ATRNL1: variants seen among roughly 807,000 people sequenced by gnomAD.
ATRNL1 encodes attractin-like protein 1.
In ATRNL1, 95 loss-of-function variants were observed where a neutral mutation model predicts 182.7. The observed-to-expected ratio is 0.52, with a 90% CI of 0.44 to 0.62. The LOEUF is 0.62. Ranked by LOEUF, ATRNL1 falls within the 20% of genes least tolerant of loss-of-function variation. The pLI is 0.00. For missense variants in ATRNL1, 1,471 were observed against 1,679.5 expected (o/e 0.88, Z 2.17); for synonymous variants, 576 against 568.3 (o/e 1.01, Z -0.19).
intron 26 of ATRNL1, among the ~76,000 whole-genome samples, chr10:115,709,763 T>C (rs782531196): frequency 6.6e-6 from 1 of 152,006 alleles, no homozygotes; most frequent in Non-Finnish European, 1.5e-5. Context: ...TATCACAATG[T>C]TGTTATTCAA....
chr10:115,514,290 ATAGCATTCATATTTCT>A (rs1554983364), intron 24 of ATRNL1, among the ~76,000 whole-genome samples: 1 of 151,972 alleles, frequency 6.6e-6, no homozygotes, highest in African/African-American at 2.4e-5. Context: ...TGGAATCAAA[ATAGCATTCATATTTCT>A]TATGAAAACT....
At chr10:115,247,590 C>T (rs890673911) in intron 10 of ATRNL1, among the ~76,000 whole-genome samples, 6 of 152,096 alleles carry the variant, frequency 3.9e-5, no homozygotes, top group Admixed American at 3.3e-4. Context: ...TAAGCTAGTA[C>T]AGCCACTATG....
chr10:115,934,987 A>G (rs1395233888), intron 28 of ATRNL1, among the ~76,000 whole-genome samples: 1 of 152,190 alleles, frequency 6.6e-6, no homozygotes, highest in Admixed American at 6.5e-5. Context: ...CCCTCCTGCC[A>G]GTGTACTTCT....
In ATRNL1 at chr10:115,444,978, G is replaced by A. The variant is rs193240588; in HGVS notation, c.3323-16963G>A. Among the ~76,000 whole-genome samples the A allele has an allele frequency of 4.5e-3, 684 of 151,534 alleles. 4 individuals are homozygous for A. Among genetic ancestry groups the A allele is most frequent in the African/African-American group, 0.016 (647 of 41,340 alleles). On this transcript the variant is annotated intron_variant, in intron 21 of 28. Coordinates refer to ENST00000355044, the MANE Select transcript of ATRNL1 (RefSeq NM_207303.4). ...ACTCCTGACCTCAGGTGATCTGCCC[G>A]CCTTGGCCTCCCAAAGTGCTGGGAT...
At chr10:115,543,825 TCTCC>T (rs1852494599) in intron 25 of ATRNL1, among the ~76,000 whole-genome samples, 1 of 152,168 alleles carries the variant, frequency 6.6e-6, no homozygotes, top group Admixed American at 6.5e-5. Flanking sequence ...TTGAAATATC[TCTCC>T]CTAAGTTTTT....
intron 25 of ATRNL1, among the ~76,000 whole-genome samples, chr10:115,536,028 G>A (rs1351754391): frequency 6.6e-6 from 1 of 151,920 alleles, no homozygotes; most frequent in Non-Finnish European, 1.5e-5. Context: ...ACTGGGGGGA[G>A]CCTCCCAGTT....
At chr10:115,465,153 A>G (rs1847993665) in intron 22 of ATRNL1, among the ~76,000 whole-genome samples, 2 of 151,726 alleles carry the variant, frequency 1.3e-5, no homozygotes, top group African/African-American at 2.4e-5. Flanking sequence ...TGAAATTTCA[A>G]TCTAAGGTTA....
intron 21 of ATRNL1, among the ~76,000 whole-genome samples, chr10:115,437,077 ATGACT>A (rs1846437663): frequency 6.6e-6 from 1 of 152,026 alleles, no homozygotes; most frequent in Non-Finnish European, 1.5e-5. Flanking sequence ...ATTTGAAGAA[ATGACT>A]TGATAAGATG....
intron 21 of ATRNL1, among the ~76,000 whole-genome samples, chr10:115,451,036 A>G (rs1760401675): frequency 3.3e-5 from 5 of 152,196 alleles, no homozygotes; most frequent in African/African-American, 1.2e-4. Context: ...TCCCTTTTCA[A>G]TCAGTGGTGC....
intron 27 of ATRNL1, among the ~76,000 whole-genome samples, chr10:115,747,936 A>G (rs1342383739): frequency 6.6e-6 from 1 of 152,072 alleles, no homozygotes; most frequent in African/African-American, 2.4e-5. Flanking sequence ...TAAGGACACT[A>G]ATCTCATTCT....
intron 18 of ATRNL1, among the ~76,000 whole-genome samples, chr10:115,328,906 A>G (rs1463557621): frequency 2.0e-5 from 3 of 152,048 alleles, no homozygotes; most frequent in Non-Finnish European, 4.4e-5. Context: ...TATTGTGTGT[A>G]GTGCTGCAAT....
chr10:115,762,906 C>A (rs1948767003), intron 27 of ATRNL1, among the ~76,000 whole-genome samples: 1 of 151,772 alleles, frequency 6.6e-6, no homozygotes, highest in South Asian at 2.1e-4. Context: ...TTGAAATGTT[C>A]TTTCTTAAGT....
intron 26 of ATRNL1, among the ~76,000 whole-genome samples, chr10:115,609,713 C>A (rs1345033528): frequency 2.0e-5 from 3 of 151,880 alleles, no homozygotes; most frequent in Non-Finnish European, 4.4e-5. Context: ...TGGGAGGAAG[C>A]AGGGGATAAA....
chr10:115,722,261 GAA>G (rs35923782), intron 26 of ATRNL1, among the ~76,000 whole-genome samples: 48 of 149,864 alleles, frequency 3.2e-4, no homozygotes, highest in Non-Finnish European at 6.4e-4. Context: ...TAAAAGCCTA[GAA>G]AAAAAAATAA....
At chr10:115,229,964 C>T (rs1178875452) in intron 9 of ATRNL1, among the ~76,000 whole-genome samples, 1 of 152,128 alleles carries the variant, frequency 6.6e-6, no homozygotes, top group Admixed American at 6.6e-5. Context: ...CTAGAAGCCC[C>T]CATGTGTCCC....
At chr10:115,342,127 G>A (rs376898168) in intron 19 of ATRNL1, among the ~76,000 whole-genome samples, 1 of 151,792 alleles carries the variant, frequency 6.6e-6, no homozygotes, top group African/African-American at 2.4e-5. Context: ...TGATATGATT[G>A]AGTTTCTTGG....
chr10:115,460,487 A>G (rs1325515062), intron 21 of ATRNL1, among the ~76,000 whole-genome samples: 1 of 152,010 alleles, frequency 6.6e-6, no homozygotes, highest in East Asian at 1.9e-4. Flanking sequence ...TGTTTGCTGT[A>G]CCTTCAAAAT....
intron 13 of ATRNL1, among the ~76,000 whole-genome samples, chr10:115,269,397 T>A (rs1851744411): frequency 6.6e-6 from 1 of 152,168 alleles, no homozygotes; most frequent in South Asian, 2.1e-4. Flanking sequence ...TGCAGTGGCA[T>A]GATCTCGGTT....
At chr10:115,806,963 C>A (rs1222244476) in intron 27 of ATRNL1, among the ~76,000 whole-genome samples, 1 of 152,032 alleles carries the variant, frequency 6.6e-6, no homozygotes, top group African/African-American at 2.4e-5. Flanking sequence ...TTTAGCTATC[C>A]CTTTCTGCAA....
Sources: allele counts gnomAD v4.1 joint callset (sites outside exome capture counted in the v4.1 genomes callset), GRCh38; gene constraint gnomAD v4.1.1; transcripts MANE v1.5; gene names NCBI Gene and HGNC (gene_info 2026-07-23, HGNC 2026-07-21).